KCNAB1: variants seen among roughly 807,000 people sequenced by gnomAD.
KCNAB1 encodes voltage-gated potassium channel subunit beta-1.
KCNAB1 carries 35 observed loss-of-function variants against 64.6 expected under a neutral mutation model. The ratio of observed to expected loss-of-function variants is 0.54; its 90% CI spans 0.41 to 0.72. The LOEUF (loss-of-function observed/expected upper bound fraction) is 0.72. KCNAB1 is among the 30% of genes least tolerant of loss of function. KCNAB1 has a pLI of 0.00. For missense variants in KCNAB1, 401 were observed against 512.9 expected, an observed-to-expected ratio of 0.78 and a Z score of 2.11; for synonymous variants, 177 against 183.8, an observed-to-expected ratio of 0.96 and a Z score of 0.30.
chr3:156,531,486 G>A lies in KCNAB1; in HGVS notation c.1159G>A (p.Gly387Ser). 6.2e-7 allele frequency: 1 copy of A among 1,613,154 alleles called. No homozygotes were observed. Among genetic ancestry groups the A allele is most frequent in the South Asian group, 1.1e-5 (1 of 91,066 alleles). The change falls in exon 13 of 14, where the codon GGT becomes AGT. Residue 387 changes from glycine (G) to serine (S), a missense_variant. Transcript: ENST00000490337. ...STPEQLIENL[G>S]AIQVLPKMTS... ...TCCTGAACAACTCATTGAAAACCTTGGTGCCATTCAGGCAAGTACTGCAGC... is the reference window on the plus strand; with the variant it reads ...TCCTGAACAACTCATTGAAAACCTTAGTGCCATTCAGGCAAGTACTGCAGC...
chr3:156,457,369 C>T, intron 3 of KCNAB1, 84 bp from the exon 4 acceptor site: 7 of 1,596,140 alleles, frequency 4.4e-6, no homozygotes, highest in Non-Finnish European at 5.1e-6. Flanking sequence ...GTCAGTGTTC[C>T]TAAAGACCGG....
chr3:156,191,054 G>T (rs141021203), intron 1 of KCNAB1, among the ~76,000 whole-genome samples: 4 of 152,258 alleles, frequency 2.6e-5, no homozygotes, highest in African/African-American at 9.6e-5. Context: ...AAATGCAGGA[G>T]CAGAGGCTCA....
intron 10 of KCNAB1, among the ~76,000 whole-genome samples, chr3:156,515,532 T>C (rs1288202032): frequency 6.6e-6 from 1 of 152,164 alleles, no homozygotes. Flanking sequence ...ATAAGTTCAT[T>C]TTTCATTGGT....
At chr3:156,153,753 A>C (rs1715554457) in intron 1 of KCNAB1, among the ~76,000 whole-genome samples, 1 of 152,198 alleles carries the variant, frequency 6.6e-6, no homozygotes, top group Non-Finnish European at 1.5e-5. Flanking sequence ...TCTTGAGTCA[A>C]GTCTTGAGCC....
chr3:156,312,755 A>G (rs1038904935), intron 1 of KCNAB1, among the ~76,000 whole-genome samples: 3 of 148,400 alleles, frequency 2.0e-5, no homozygotes, highest in Admixed American at 6.8e-5. Flanking sequence ...AATTAGTTCT[A>G]TGTGCATTCG....
At chr3:156,374,035 C>T (rs1464292992) in intron 1 of KCNAB1, among the ~76,000 whole-genome samples, 1 of 152,204 alleles carries the variant, frequency 6.6e-6, no homozygotes, top group Admixed American at 6.5e-5. Context: ...ACAAGTCGTT[C>T]AATCTCTCTA....
At chr3:156,458,318 A>C (rs1275918116) in intron 4 of KCNAB1, among the ~76,000 whole-genome samples, 2 of 152,244 alleles carry the variant, frequency 1.3e-5, no homozygotes. Context: ...CACATTTCAG[A>C]ATAGATCTGG....
intron 8 of KCNAB1, among the ~76,000 whole-genome samples, chr3:156,483,578 T>C (rs1714988515): frequency 6.6e-6 from 1 of 152,154 alleles, no homozygotes; most frequent in African/African-American, 2.4e-5. Flanking sequence ...AAATTCTGCC[T>C]ATGTCTCACA....
intron 1 of KCNAB1, among the ~76,000 whole-genome samples, chr3:156,364,499 C>A (rs960782854): frequency 4.6e-5 from 7 of 152,146 alleles, no homozygotes; most frequent in Non-Finnish European, 7.4e-5. Flanking sequence ...CAACACAAGG[C>A]CAGGCACGGT....
chr3:156,199,258 T>C (rs7638421), intron 1 of KCNAB1, among the ~76,000 whole-genome samples: 88,997 of 151,914 alleles, frequency 0.59, 26,771 homozygotes, highest in East Asian at 0.9. Flanking sequence ...ATGTTTTCTC[T>C]TCATTTCAAC....
chr3:156,163,389 T>C (rs1716194609), intron 1 of KCNAB1, among the ~76,000 whole-genome samples: 1 of 152,186 alleles, frequency 6.6e-6, no homozygotes, highest in Admixed American at 6.5e-5. Context: ...TGCCACATAG[T>C]CCCCTTACCT....
At chr3:156,464,532 AAAAC>A (rs139031494) in intron 6 of KCNAB1, among the ~76,000 whole-genome samples, 2,835 of 152,230 alleles carry the variant, frequency 0.019, 108 homozygotes, top group African/African-American at 0.065. Context: ...ACAAAAAGCA[AAAAC>A]AAACAAAACC....
intron 1 of KCNAB1, among the ~76,000 whole-genome samples, chr3:156,395,543 T>TGAAAA (rs1318444935): frequency 1.2e-4 from 1 of 8,434 alleles, no homozygotes; most frequent in Non-Finnish European, 3.4e-4. Flanking sequence ...AGACTCCGTC[T>TGAAAA]CAAAAAAAAA....
chr3:156,507,006 C>A (rs546006732), intron 8 of KCNAB1, among the ~76,000 whole-genome samples: 2 of 152,320 alleles, frequency 1.3e-5, no homozygotes, highest in African/African-American at 4.8e-5. Flanking sequence ...CACATGTTCA[C>A]AAACACACAA....
At chr3:156,373,054 G>A (rs750769369) in intron 1 of KCNAB1, among the ~76,000 whole-genome samples, 8 of 152,164 alleles carry the variant, frequency 5.3e-5, no homozygotes, top group Admixed American at 5.2e-4. Context: ...AATTATAAAC[G>A]GCATTATAAA....
At chr3:156,227,314 G>A (rs981079680) in intron 1 of KCNAB1, among the ~76,000 whole-genome samples, 10 of 152,160 alleles carry the variant, frequency 6.6e-5, no homozygotes, top group African/African-American at 1.9e-4. Context: ...AATTTAAAAA[G>A]CAAAGACAAA....
intron 1 of KCNAB1, among the ~76,000 whole-genome samples, chr3:156,318,282 A>G (rs1356758861): frequency 6.6e-6 from 1 of 152,194 alleles, no homozygotes; most frequent in Non-Finnish European, 1.5e-5. Context: ...TGGGTTGGAT[A>G]TAAATTTAGA....
Position 156,516,359 on chromosome 3 carries a change from C to T in KCNAB1, c.955C>T (p.Leu319=), listed in dbSNP as rs1717558492. 1 of 1,608,900 alleles carries T rather than the reference C, an allele frequency of 6.2e-7. No individual in the cohort carries two copies. The highest frequency in any genetic ancestry group is 1.7e-5 in the Admixed American group (1 of 60,002). The change falls in exon 11 of 14, where the codon CTG becomes TTG. Residue 319 remains leucine (L), a synonymous_variant. Coordinates refer to ENST00000490337, the MANE Select transcript of KCNAB1 (RefSeq NM_172160.3). ...NGVPESSRAS[L]KCYQWLKERI... ...GGTGCCTGAAAGTTCCAGGGCTTCA[C>T]TGAAGGTATTTTTCTCAATGTCTAG...
At chr3:156,354,142 A>ATATATATATATATG (rs1491445238) in intron 1 of KCNAB1, among the ~76,000 whole-genome samples, 7 of 123,160 alleles carry the variant, frequency 5.7e-5, no homozygotes, top group African/African-American at 1.4e-4. Flanking sequence ...ATATATATAT[A>ATATATATATATATG]TGTGTATATA....
Sources: allele counts gnomAD v4.1 joint callset (sites outside exome capture counted in the v4.1 genomes callset), GRCh38; gene constraint gnomAD v4.1.1; transcripts MANE v1.5; gene names NCBI Gene and HGNC (gene_info 2026-07-23, HGNC 2026-07-21).